EPG5: variants seen among roughly 807,000 people sequenced by gnomAD.
EPG5 encodes ectopic P granules protein 5 homolog.
Under a neutral mutation model 302.7 loss-of-function variants are expected in EPG5, and 159 were observed. That is an observed-to-expected ratio of 0.53 (90% confidence interval 0.46 to 0.60). The LOEUF is 0.60. Ranked by LOEUF, EPG5 falls within the 20% of genes least tolerant of loss-of-function variation. The pLI is 0.00. For missense variants in EPG5, 2,896 were observed against 3,092.4 expected (o/e 0.94, Z 1.51); for synonymous variants, 1,158 against 1,136.8 (o/e 1.02, Z -0.37).
the EPG5 span, among the ~76,000 whole-genome samples, chr18:45,813,666 C>A: frequency 1.0e-4 from 15 of 148,458 alleles, no homozygotes; most frequent in Non-Finnish European, 1.8e-4. Flanking sequence ...CTCACAAGGA[C>A]AAAAAACCAA....
chr18:45,910,344 C>T (rs1339290066), intron 23 of EPG5, among the ~76,000 whole-genome samples, 177 bp downstream of exon 23: 1 of 152,314 alleles, frequency 6.6e-6, no homozygotes, highest in East Asian at 1.9e-4. Flanking sequence ...ATTCAGTTCT[C>T]TTGAGGAACA....
chr18:45,954,248 C>G, intron 2 of EPG5, 146 bp downstream of exon 2: 1 of 739,962 alleles, frequency 1.4e-6, no homozygotes, highest in African/African-American at 1.8e-5. Context: ...CTGGCTCCTG[C>G]AGGCATTTGA....
At chr18:45,806,007 T>G in the EPG5 span, among the ~76,000 whole-genome samples, 1 of 152,226 alleles carries the variant, frequency 6.6e-6, no homozygotes, top group Non-Finnish European at 1.5e-5. Context: ...CCAACTACCT[T>G]TTTTATTTAT....
chr18:45,845,440 G>C (rs1375354281), downstream of EPG5, among the ~76,000 whole-genome samples: 2 of 152,278 alleles, frequency 1.3e-5, no homozygotes, highest in East Asian at 1.9e-4. Context: ...AGGGTGGTGA[G>C]GGGACAGCAC....
the EPG5 span, among the ~76,000 whole-genome samples, chr18:45,836,030 G>T: frequency 1.3e-5 from 2 of 152,176 alleles, no homozygotes; most frequent in Non-Finnish European, 1.5e-5. Flanking sequence ...CGGAGATTTT[G>T]GTTCTGTGCA....
chr18:45,939,655 C>A lies in EPG5; in HGVS notation c.2044G>T (p.Val682Phe). 1 of 1,614,150 alleles carries A rather than the reference C, an allele frequency of 6.2e-7. No homozygotes were observed. Among genetic ancestry groups the A allele is most frequent in the African/African-American group, 1.3e-5 (1 of 75,052 alleles). ...QQPYSMEKLQ[V>F]EFDELFLRAV... ...CTCAAAAACAGTTCATCAAATTCAA[C>A]CTGTAGTTTCTCCATAGAGTAGGGC... Residue 682 changes from valine to phenylalanine, a missense_variant, in exon 10 of 44, where the codon GTT becomes TTT. Val to Phe is a conservative substitution (Grantham distance 50, BLOSUM62 -1). Coordinates refer to ENST00000282041, the MANE Select transcript of EPG5 (RefSeq NM_020964.3).
intron 27 of EPG5, among the ~76,000 whole-genome samples, chr18:45,890,861 A>T (rs1487287731): frequency 6.6e-6 from 1 of 152,186 alleles, no homozygotes; most frequent in African/African-American, 2.4e-5. Flanking sequence ...AGGGTTGCAG[A>T]GTGCAGTAAA....
chr18:45,935,461 G>T (rs1470851517), intron 10 of EPG5, among the ~76,000 whole-genome samples: 2 of 152,196 alleles, frequency 1.3e-5, no homozygotes, highest in African/African-American at 4.8e-5. Context: ...AGAATCACTT[G>T]AACCCAGGAG....
intron 1 of EPG5, among the ~76,000 whole-genome samples, chr18:45,961,449 G>A (rs1009949092): frequency 3.3e-5 from 5 of 152,138 alleles, no homozygotes; most frequent in Non-Finnish European, 7.3e-5. Flanking sequence ...GGTCTGGCAT[G>A]CCACCGCCAG....
At position 45,913,730 on chromosome 18, in the gene EPG5, A is replaced by G; in HGVS notation, c.3792T>C (p.Ala1264=). The G allele has an allele frequency of 6.2e-7, 1 of 1,614,116 alleles. No individual in the cohort carries two copies. The highest frequency in any genetic ancestry group is 8.5e-7 in the Non-Finnish European group (1 of 1,180,004). The stretch of plus-strand genomic sequence containing the variant: ...CCTTCAGAGCTTGGTCAGGGGTGAA[A>G]GCAGAGTTTATCACCAATTCCCCTT... ...VIEGELVINS[A]FTPDQALKKA... The change falls in exon 21 of 44, where the codon GCT becomes GCC. Residue 1264 remains alanine, a synonymous_variant. Coordinates refer to ENST00000282041, the MANE Select transcript of EPG5 (RefSeq NM_020964.3).
chr18:45,826,355 G>C, the EPG5 span, among the ~76,000 whole-genome samples: 9 of 152,092 alleles, frequency 5.9e-5, no homozygotes, highest in African/African-American at 1.9e-4. Flanking sequence ...GGTATCCTGG[G>C]AACAGTGTTT....
the EPG5 span, among the ~76,000 whole-genome samples, chr18:45,834,928 G>C: frequency 2.6e-5 from 4 of 152,214 alleles, no homozygotes; most frequent in African/African-American, 9.6e-5. Context: ...TCTGCATCTA[G>C]AAGTACTGAC....
At chr18:45,904,259 C>T (rs1468442415) in intron 24 of EPG5, 142 bp from the exon 25 acceptor site, 4 of 925,730 alleles carry the variant, frequency 4.3e-6, no homozygotes, top group Non-Finnish European at 6.3e-6. Context: ...GGATAAATTG[C>T]CATTAAAATG....
chr18:45,966,689 T>C (rs2051271180), intron 1 of EPG5, among the ~76,000 whole-genome samples: 1 of 152,192 alleles, frequency 6.6e-6, no homozygotes, highest in African/African-American at 2.4e-5. Context: ...ACTACTATCA[T>C]CTTGAACTTT....
the EPG5 span, among the ~76,000 whole-genome samples, chr18:45,809,605 C>A: frequency 1.3e-5 from 2 of 152,132 alleles, no homozygotes; most frequent in Admixed American, 1.3e-4. Context: ...AATTAAATAA[C>A]CTGTTCCTGA....
At chr18:45,942,602 C>CA (rs1359748536) in intron 9 of EPG5, among the ~76,000 whole-genome samples, 1 of 151,172 alleles carries the variant, frequency 6.6e-6, no homozygotes, top group Non-Finnish European at 1.5e-5. Flanking sequence ...AGACTCATCT[C>CA]AAAAAAATAA....
At chr18:45,960,175 A>G (rs116891794) in intron 1 of EPG5, among the ~76,000 whole-genome samples, 2,071 of 152,328 alleles carry the variant, frequency 0.014, 25 homozygotes, top group Non-Finnish European at 0.02. Flanking sequence ...TATAATAATC[A>G]TTACAGATCA....
intron 22 of EPG5, among the ~76,000 whole-genome samples, chr18:45,911,310 G>A (rs1309102255): frequency 5.5e-5 from 8 of 146,632 alleles, no homozygotes; most frequent in Admixed American, 4.8e-4. Context: ...TTTTTAGACA[G>A]ACTCTTGCTC....
chr18:45,964,854 G>A (rs1404155898), intron 1 of EPG5, among the ~76,000 whole-genome samples: 2 of 152,202 alleles, frequency 1.3e-5, no homozygotes, highest in East Asian at 3.8e-4. Flanking sequence ...TCGGGAGGCT[G>A]AGGCAGGAGA....
Sources: gnomAD v4.1 joint callset for allele counts (sites outside exome capture counted in the v4.1 genomes callset) on GRCh38, gnomAD v4.1.1 for gene constraint, MANE v1.5 for transcripts, NCBI Gene and HGNC (gene_info 2026-07-23, HGNC 2026-07-21) for gene names.